The following ZNF334 variants were observed in gnomAD, a reference collection of about 807,000 sequenced individuals.
ZNF334 encodes the protein zinc finger protein 334.
In ZNF334, 14 loss-of-function variants were observed where a neutral mutation model predicts 12.4. The observed-to-expected ratio is 1.13, with a 90% confidence interval of 0.74 to 1.76. ZNF334 has a LOEUF of 1.76. Ranked by LOEUF, ZNF334 falls within the 40% of genes most tolerant of loss-of-function variation. The pLI, the probability that ZNF334 is intolerant of heterozygous loss-of-function variation, is 0.00. For synonymous variants in ZNF334, 273 were observed against 269.6 expected, an observed-to-expected ratio of 1.01 and a Z score of -0.12; for missense variants, 797 against 804.5, an observed-to-expected ratio of 0.99 and a Z score of 0.11.
the ZNF334 span, among the ~76,000 whole-genome samples, chr20:46,478,339 A>G: frequency 6.6e-6 from 1 of 152,242 alleles, no homozygotes; most frequent in Admixed American, 6.5e-5. Flanking sequence ...GACAACTGGA[A>G]GGCAAGGGCT....
rs6066002 is a variant in ZNF334 at position 46,510,050 on chromosome 20, T to C, written c.21+2032A>G. On this transcript the variant is annotated intron_variant, in intron 2 of 4. Coordinates refer to ENST00000692313, the MANE Select transcript of ZNF334 (RefSeq NM_001353824.2). ...ACACAATTGTTTGATCAATATACAG[T>C]TGTTGAATGAAAGGTCCAGAGTGGT... Among the ~76,000 whole-genome samples the C allele has an allele frequency of 0.13, 20,354 of 152,052 alleles. 1,812 individuals carry two copies. The highest frequency in any genetic ancestry group is 0.19 in the Middle Eastern group (57 of 294).
chr20:46,471,226 C>T, the ZNF334 span, among the ~76,000 whole-genome samples: 1 of 152,224 alleles, frequency 6.6e-6, no homozygotes, highest in Non-Finnish European at 1.5e-5. Flanking sequence ...AGGCTGAGCA[C>T]CTTTTCTATA....
At chr20:46,491,781 A>C in the ZNF334 span, 1 of 153,140 alleles carries the variant, frequency 6.5e-6, no homozygotes, top group Non-Finnish European at 1.5e-5. Context: ...TATCGGTCAA[A>C]CTTTACTAAA....
chr20:46,506,262 GA>G (rs1211167311), intron 2 of ZNF334: 1 of 516,490 alleles, frequency 1.9e-6, no homozygotes, highest in Admixed American at 3.4e-5. Context: ...GAACTGATAT[GA>G]AGTGAAAAAA....
chr20:46,479,665 G>A, the ZNF334 span, among the ~76,000 whole-genome samples: 2 of 152,118 alleles, frequency 1.3e-5, no homozygotes, highest in Non-Finnish European at 2.9e-5. Flanking sequence ...TCTTGTGTGG[G>A]GAAAATTCTA....
chr20:46,488,881 T>C, the ZNF334 span, among the ~76,000 whole-genome samples: 1 of 151,864 alleles, frequency 6.6e-6, no homozygotes, highest in Non-Finnish European at 1.5e-5. Flanking sequence ...GTGAGAAATC[T>C]GATGTCATCT....
At chr20:46,503,346 AAAG>A (rs2061319255) in intron 4 of ZNF334, among the ~76,000 whole-genome samples, 2 of 152,240 alleles carry the variant, frequency 1.3e-5, no homozygotes, top group African/African-American at 4.8e-5. Context: ...GGAAACTAGC[AAAG>A]AATACAAGTA....
chr20:46,463,360 A>G, the ZNF334 span, among the ~76,000 whole-genome samples: 2 of 152,240 alleles, frequency 1.3e-5, no homozygotes, highest in Non-Finnish European at 2.9e-5. Context: ...CAAGAGACCA[A>G]AACCACAGAG....
chr20:46,505,493 T>C (rs1333309928), intron 2 of ZNF334: 2 of 153,704 alleles, frequency 1.3e-5, no homozygotes, highest in Non-Finnish European at 2.9e-5. Flanking sequence ...GTCCAGTGAA[T>C]TGCTGGGGTG....
At chr20:46,474,662 C>T in the ZNF334 span, 1 of 151,552 alleles carries the variant, frequency 6.6e-6, no homozygotes, top group African/African-American at 2.4e-5. Flanking sequence ...TCAAATTCTC[C>T]CTTTGCATGT....
In ZNF334 at chr20:46,502,454, G is replaced by C; in HGVS notation, c.885C>G (p.Cys295Trp). 1 of 1,614,048 alleles carries C rather than the reference G, an allele frequency of 6.2e-7. No homozygotes were observed. The highest frequency in any genetic ancestry group is 8.5e-7 in the Non-Finnish European group (1 of 1,179,988). ...CAATGAAGGTTTTCCTGCATTCACT[G>C]CATTCATAGGGTCTCTCTCCAGTAT... Reference protein sequence around the residue: ...RIHTGERPYECSECRKTFIDK... With the variant: ...RIHTGERPYEWSECRKTFIDK... Residue 295 changes from cysteine (C) to tryptophan (W), a missense_variant, in exon 5 of 5, where the codon TGC (cysteine) becomes TGG (tryptophan). Physicochemically the swap from Cys to Trp is radical, Grantham distance 215 (BLOSUM62 -2). Transcript: ENST00000692313.
chr20:46,510,900 A>T (rs954788667), intron 2 of ZNF334, among the ~76,000 whole-genome samples: 8 of 152,114 alleles, frequency 5.3e-5, no homozygotes, highest in African/African-American at 1.9e-4. Context: ...TGAGGACTCC[A>T]TGTGCCTTCT....
rs910660365 is a variant in ZNF334 at position 46,504,431 on chromosome 20, G to C, written c.149-125C>G. The C allele has an allele frequency of 2.3e-5, 26 of 1,129,386 alleles. No individual in the cohort carries two copies. The African/African-American group carries it at 3.7e-4, about 16-fold the overall frequency. The allele number at this position is 1,129,386 out of a possible 1,614,324, so 70.0% of individuals were successfully genotyped here. ...GCCCAGCAATAGCTCAGTAAAGCTA[G>C]AACATTTTGGTGAAGGGTAGGGGAA... is the stretch of plus-strand genomic sequence containing the variant. On this transcript the variant is annotated intron_variant, in intron 3 of 4. Transcript: ENST00000692313.
Position 46,501,411 on chromosome 20 carries a change from A to ACTG in ZNF334, c.1927_1928insCAG (p.Leu643delinsProVal). ...TGTGTGTATTTTCTGATGTTCAGTG[A>ACTG]GAGTCCACAGGCGACGGTAGGTTTT... On this transcript the variant is annotated protein_altering_variant, in exon 5 of 5. Coordinates refer to ENST00000692313, the MANE Select transcript of ZNF334 (RefSeq NM_001353824.2). The ACTG allele has an allele frequency of 6.2e-7, 1 of 1,614,136 alleles. No individual in the cohort carries two copies. The highest frequency in any genetic ancestry group is 8.5e-7 in the Non-Finnish European group (1 of 1,180,016).
At chr20:46,491,498 G>A in the ZNF334 span, 1,747 of 153,220 alleles carry the variant, frequency 0.011, 12 homozygotes, top group Middle Eastern at 0.033. Flanking sequence ...CAAGTGTGAT[G>A]TTTGTGAGAA....
the ZNF334 span, among the ~76,000 whole-genome samples, chr20:46,489,731 T>G: frequency 6.6e-6 from 1 of 152,094 alleles, no homozygotes; most frequent in African/African-American, 2.4e-5. Flanking sequence ...TACCACTGAT[T>G]CTGTCCCATG....
At chr20:46,505,618 T>C (rs966789289) in intron 2 of ZNF334, 4 of 153,774 alleles carry the variant, frequency 2.6e-5, no homozygotes, top group Non-Finnish European at 4.4e-5. Context: ...AACAATGCTC[T>C]AGAGCATAAG....
At chr20:46,495,392 A>AT (rs1376601814), downstream of ZNF334, among the ~76,000 whole-genome samples, 1 of 151,324 alleles carries the variant, frequency 6.6e-6, no homozygotes, top group Non-Finnish European at 1.5e-5. Flanking sequence ...CACTGACTTC[A>AT]TAAGAGGGGA....
the ZNF334 span, among the ~76,000 whole-genome samples, chr20:46,475,667 T>C: frequency 6.6e-6 from 1 of 152,112 alleles, no homozygotes; most frequent in Non-Finnish European, 1.5e-5. Flanking sequence ...AATAAGCACA[T>C]GAAAAGTGTT....
Sources: allele counts gnomAD v4.1 joint callset (sites outside exome capture counted in the v4.1 genomes callset), GRCh38; gene constraint gnomAD v4.1.1; transcripts MANE v1.5; gene names NCBI Gene and HGNC (gene_info 2026-07-23, HGNC 2026-07-21).